The following FANCA variants were observed in gnomAD, a reference collection of about 807,000 sequenced individuals.
FANCA encodes Fanconi anemia group A protein.
Under a neutral mutation model 194.3 loss-of-function variants are expected in FANCA, and 236 were observed. The observed-to-expected ratio is 1.21, with a 90% CI of 1.09 to 1.35. The LOEUF is 1.35. Ranked by LOEUF, FANCA falls within the 40% of genes most tolerant of loss-of-function variation. The pLI is 0.00. For synonymous variants in FANCA, 1,014 were observed against 715.8 expected, an observed-to-expected ratio of 1.42 and a Z score of -6.65; for missense variants, 2,628 against 1,813.9, an observed-to-expected ratio of 1.45 and a Z score of -8.15.
rs771117949 is a variant in FANCA, at chr16:89,748,702, G to A, written c.3305C>T (p.Thr1102Ile). Reference sequence around the variant, plus strand: ...GTGGAAGAACTGCTCGCATCTGGCAGTGATGGGCTGTTCTGCCTGGAAGCT... The same window carrying A: ...GTGGAAGAACTGCTCGCATCTGGCAATGATGGGCTGTTCTGCCTGGAAGCT... ...GSSFQAEQPI[T>I]ARCEQFFHLV... Residue 1102 changes from threonine (T) to isoleucine (I), a missense_variant, in exon 33 of 43, where the codon ACT becomes ATT. By Grantham distance (89) the Thr-to-Ile change is moderately conservative. Transcript: ENST00000389301. 7 of 1,614,180 alleles carry A rather than the reference G, an allele frequency of 4.3e-6. No individual in the cohort carries two copies. The highest frequency in any genetic ancestry group is 1.6e-4 in the Middle Eastern group (1 of 6,062).
At chr16:89,750,784 C>T (rs1224774050) in intron 31 of FANCA, among the ~76,000 whole-genome samples, 2 of 151,260 alleles carry the variant, frequency 1.3e-5, no homozygotes, top group African/African-American at 4.8e-5. Context: ...CAAAACAAAA[C>T]AAAACAACAA....
chr16:89,762,592 AAACT>A (rs1217637499), intron 28 of FANCA: 2 of 223,800 alleles, frequency 8.9e-6, no homozygotes, highest in Admixed American at 5.4e-5. Context: ...AAGAAAAAAG[AAACT>A]AACAAAACAA....
chr16:89,816,090 C>T (rs912796621), intron 1 of FANCA, 104 bp from the exon 2 acceptor site: 7 of 853,928 alleles, frequency 8.2e-6, no homozygotes, highest in Non-Finnish European at 1.2e-5. Flanking sequence ...CAGCGACACC[C>T]TCCCGAAGAG....
chr16:89,792,349 C>G, intron 12 of FANCA, 122 bp downstream of exon 12: 1 of 1,113,110 alleles, frequency 9.0e-7, no homozygotes, highest in Non-Finnish European at 1.4e-6. Context: ...ACAGCCACAT[C>G]TCACCAGACA....
chr16:89,772,505 C>CA (rs2039360100), intron 22 of FANCA, among the ~76,000 whole-genome samples: 1 of 151,640 alleles, frequency 6.6e-6, no homozygotes, highest in Non-Finnish European at 1.5e-5. Context: ...GACTCCGTCT[C>CA]AAAAAAATAT....
Position 89,746,894 on chromosome 16 carries a change from CA to C in FANCA, c.3349-5del. 6.4e-7 allele frequency: 1 copy of C among 1,554,132 alleles called. No homozygotes were observed. The highest frequency in any genetic ancestry group is 8.7e-7 in the Non-Finnish European group (1 of 1,148,274). On this transcript the variant is annotated splice_polypyrimidine_tract_variant and splice_region_variant and intron_variant, in intron 33 of 42. Coordinates refer to ENST00000389301, the MANE Select transcript of FANCA (RefSeq NM_000135.4). ...CTCCGTGGGAGCAGAAGTTTCTCTG[CA>C]AAAGAGTTCAAGGCAGGTAAGAAAA...
At chr16:89,740,430 G>A in intron 38 of FANCA, 1 of 463,892 alleles carries the variant, frequency 2.2e-6, no homozygotes, top group Middle Eastern at 6.1e-4. Flanking sequence ...ACTGAGGCCA[G>A]TTCAAGACCA....
At chr16:89,739,893 C>G in intron 39 of FANCA, 101 bp downstream of exon 39, 2 of 1,570,920 alleles carry the variant, frequency 1.3e-6, no homozygotes, top group East Asian at 2.3e-5. Flanking sequence ...TATAAACTTA[C>G]TTAGCAAGGA....
chr16:89,780,104 G>C (rs1028467701), intron 17 of FANCA, 147 bp from the exon 18 acceptor site: 45 of 766,174 alleles, frequency 5.9e-5, no homozygotes, highest in Non-Finnish European at 9.0e-5. Flanking sequence ...GCGCACAGCA[G>C]GGGCCCTGGA....
chr16:89,816,102 G>A (rs766779476), intron 1 of FANCA, 116 bp from the exon 2 acceptor site: 1 of 780,250 alleles, frequency 1.3e-6, no homozygotes, highest in South Asian at 1.4e-5. Context: ...CCCGAAGAGG[G>A]GCCGGGGCTC....
rs189617916 is a variant in FANCA at position 89,755,887 on chromosome 16, C to G, written c.2981+2690G>C. Among the ~76,000 whole-genome samples, 578 of 150,818 alleles carry G rather than the reference C, an allele frequency of 3.8e-3. 2 individuals are homozygous for G. Among genetic ancestry groups the G allele is most frequent in the African/African-American group, 0.013 (546 of 41,024 alleles). On this transcript the variant is annotated intron_variant, in intron 30 of 42. Transcript: ENST00000389301. The stretch of plus-strand genomic sequence containing the variant: ...ACCGCACAGACACAGACCGGAGCCG[C>G]CCGCACACCTAGGCCACACGGCACG...
intron 10 of FANCA, among the ~76,000 whole-genome samples, chr16:89,796,783 G>A (rs1485776764): frequency 6.6e-6 from 1 of 152,204 alleles, no homozygotes; most frequent in East Asian, 1.9e-4. Context: ...AGCACTCTGG[G>A]AGGCTGAGGC....
chr16:89,815,906 G>A lies in FANCA; in HGVS notation c.160C>T (p.His54Tyr), dbSNP rs1383572316. ...AGCAAAAGGGCATTCAGGTCCTGAT[G>A]GCTTCGCAGGAGGCGCACAGCTGAT... The part of the protein sequence containing the change: ...KESAVRLLRS[H>Y]QDLNALLLEV... The change falls in exon 2 of 43, where the codon CAT becomes TAT. Residue 54 changes from histidine (H) to tyrosine (Y), a missense_variant. His to Tyr is a moderately conservative substitution (Grantham distance 83). Coordinates refer to ENST00000389301, the MANE Select transcript of FANCA (RefSeq NM_000135.4). 9 of 1,613,986 alleles carry A rather than the reference G, an allele frequency of 5.6e-6. No homozygotes were observed. Among genetic ancestry groups the A allele is most frequent in the Non-Finnish European group, 7.6e-6 (9 of 1,179,942 alleles).
chr16:89,792,377 G>A (rs2040105309), intron 12 of FANCA, 94 bp downstream of exon 12: 2 of 1,308,956 alleles, frequency 1.5e-6, no homozygotes, highest in Non-Finnish European at 2.2e-6. Flanking sequence ...ACCTCTCGAT[G>A]TGCCGTCCAC....
intron 29 of FANCA, among the ~76,000 whole-genome samples, chr16:89,761,101 C>A (rs2038934964): frequency 6.6e-6 from 1 of 152,158 alleles, no homozygotes; most frequent in African/African-American, 2.4e-5. Context: ...GTAAATGTTT[C>A]TTAAATAAAG....
At chr16:89,803,403 GCA>G (rs2040526387) in intron 7 of FANCA, 62 bp from the exon 8 acceptor site, 1 of 1,449,990 alleles carries the variant, frequency 6.9e-7, no homozygotes, top group African/African-American at 1.4e-5. Flanking sequence ...ACTGTGAATG[GCA>G]CAGACCATCC....
At chr16:89,792,906 G>A (rs960490767) in intron 11 of FANCA, among the ~76,000 whole-genome samples, 10 of 152,190 alleles carry the variant, frequency 6.6e-5, no homozygotes, top group Non-Finnish European at 1.5e-4. Flanking sequence ...AGAGGGAGAG[G>A]AGATAGAGAC....
chr16:89,753,414 G>A (rs2038664578), intron 30 of FANCA, among the ~76,000 whole-genome samples: 2 of 152,070 alleles, frequency 1.3e-5, no homozygotes, highest in Admixed American at 6.6e-5. Context: ...TCTCATCGCC[G>A]CACACAGGGA....
At position 89,792,487 on chromosome 16, in the gene FANCA, G is replaced by A; in HGVS notation, c.1067C>T (p.Thr356Ile). 1 of 1,613,432 alleles carries A rather than the reference G, an allele frequency of 6.2e-7. No homozygotes were observed. The highest frequency in any genetic ancestry group is 1.3e-5 in the African/African-American group (1 of 75,020). Residue 356 changes from threonine (T) to isoleucine (I), a missense_variant, in exon 12 of 43, where the codon ACC (threonine) becomes ATC (isoleucine). Physicochemically the swap from Thr to Ile is moderately conservative, Grantham distance 89. Transcript: ENST00000389301. The part of the protein sequence containing the change: ...WSFARTHPLL[T>I]SLYRRLFVML... ...TCCACTCACCCTGCGGTACAGTGAG[G>A]TGAGCAGAGGGTGTGTCCGCGCAAA... is the stretch of plus-strand genomic sequence containing the variant.
Sources: allele counts gnomAD v4.1 joint callset (sites outside exome capture counted in the v4.1 genomes callset), GRCh38; gene constraint gnomAD v4.1.1; transcripts MANE v1.5; gene names NCBI Gene and HGNC (gene_info 2026-07-23, HGNC 2026-07-21).